BTBD8: variants seen among roughly 807,000 people sequenced by gnomAD.
BTBD8 encodes the protein BTB/POZ domain-containing protein 8.
Under a neutral mutation model 162.9 loss-of-function variants are expected in BTBD8, and 110 were observed. That is an observed-to-expected ratio of 0.68 (90% CI 0.58 to 0.79). The LOEUF is 0.79. Ranked by LOEUF, BTBD8 falls within the 30% of genes least tolerant of loss-of-function variation. The probability of loss-of-function intolerance (pLI) is 0.00; values close to 1 mark genes in which losing one functional copy is unlikely to be tolerated. For synonymous variants in BTBD8, 667 were observed against 716.1 expected, an observed-to-expected ratio of 0.93 and a Z score of 1.10; for missense variants, 1,905 against 2,085.4, an observed-to-expected ratio of 0.91 and a Z score of 1.68.
chr1:92,149,965 T>C (rs1440751314), intron 9 of BTBD8, among the ~76,000 whole-genome samples: 1 of 152,142 alleles, frequency 6.6e-6, no homozygotes, highest in Non-Finnish European at 1.5e-5. Context: ...TTTCCTCTTC[T>C]CATCTGCCTG....
chr1:92,080,831 C>T, intron 1 of BTBD8, 111 bp downstream of exon 1: 2 of 1,487,328 alleles, frequency 1.3e-6, no homozygotes, highest in South Asian at 1.3e-5. Context: ...CTTGGTTCTC[C>T]TCGCCTCAGG....
rs1210299299 is a variant in BTBD8 at position 92,167,851 on chromosome 1, C to T, written c.1309C>T (p.Gln437Ter). The T allele has an allele frequency of 6.5e-7, 1 of 1,547,646 alleles. No homozygotes were observed. The highest frequency in any genetic ancestry group is 8.7e-7 in the Non-Finnish European group (1 of 1,144,598). The part of the protein sequence containing the change: ...SENFALLLQS[Q>*]AMSSTADLLD... ...TATTAATTTCTGTGTTTTATAGTCA[C>T]AAGCAATGAGCAGCACAGCCGATCT... Residue 437 changes from glutamine to a stop codon, truncating the protein, a stop_gained, in exon 11 of 18, where the codon CAA becomes TAA. Coordinates refer to ENST00000636805, the MANE Select transcript of BTBD8 (RefSeq NM_001376131.1). LOFTEE classifies it high-confidence loss of function.
intron 14 of BTBD8, 112 bp downstream of exon 14, chr1:92,177,658 T>A: frequency 1.2e-6 from 1 of 832,014 alleles, no homozygotes; most frequent in East Asian, 2.7e-5. Flanking sequence ...GCCAACAGAA[T>A]ACTTATGTAT....
chr1:92,091,751 T>C (rs967033055), intron 2 of BTBD8, among the ~76,000 whole-genome samples: 13 of 152,184 alleles, frequency 8.5e-5, no homozygotes, highest in African/African-American at 2.9e-4. Flanking sequence ...TATGTTTTTT[T>C]CTAAGAATTT....
chr1:92,182,875 G>T (rs932768817), intron 17 of BTBD8, among the ~76,000 whole-genome samples: 1 of 151,876 alleles, frequency 6.6e-6, no homozygotes, highest in Non-Finnish European at 1.5e-5. Flanking sequence ...GAAAAACTTA[G>T]TTTGCTGCTA....
intron 4 of BTBD8, among the ~76,000 whole-genome samples, chr1:92,119,893 C>CTTTTTTTTT (rs58297367): frequency 3.4e-5 from 2 of 58,386 alleles, no homozygotes; most frequent in African/African-American, 6.3e-5. Context: ...CGGCCCTTTT[C>CTTTTTTTTT]TTTTTTTTTT....
chr1:92,147,543 A>G, intron 8 of BTBD8, 141 bp from the exon 9 acceptor site: 1 of 648,994 alleles, frequency 1.5e-6, no homozygotes, highest in South Asian at 2.1e-5. Context: ...GAGAATATAA[A>G]GTCCATTTTA....
intron 9 of BTBD8, among the ~76,000 whole-genome samples, chr1:92,155,974 G>A (rs1487433675): frequency 6.6e-6 from 1 of 152,122 alleles, no homozygotes; most frequent in Non-Finnish European, 1.5e-5. Flanking sequence ...TATGTTGAAT[G>A]GAAGTGGAGA....
At chr1:92,145,297 T>G (rs972204051) in intron 7 of BTBD8, among the ~76,000 whole-genome samples, 5 of 152,066 alleles carry the variant, frequency 3.3e-5, no homozygotes, top group African/African-American at 1.2e-4. Flanking sequence ...AATATAACAC[T>G]TTTAGGAGAG....
chr1:92,113,740 C>T (rs891311902), intron 4 of BTBD8, among the ~76,000 whole-genome samples: 3 of 150,806 alleles, frequency 2.0e-5, no homozygotes, highest in Non-Finnish European at 2.9e-5. Flanking sequence ...AGGCCCGGTG[C>T]GGTGGCTCAC....
intron 9 of BTBD8, among the ~76,000 whole-genome samples, chr1:92,161,651 A>G (rs2100659269): frequency 6.6e-6 from 1 of 152,362 alleles, no homozygotes; most frequent in East Asian, 1.9e-4. Flanking sequence ...AGTGGACGTG[A>G]GAACTACCAT....
intron 2 of BTBD8, among the ~76,000 whole-genome samples, chr1:92,095,846 C>T (rs959999411): frequency 6.6e-6 from 1 of 152,156 alleles, no homozygotes; most frequent in African/African-American, 2.4e-5. Flanking sequence ...TAACTACAGC[C>T]CCCCGTCATC....
At chr1:92,082,389 A>G (rs1648042146) in intron 1 of BTBD8, among the ~76,000 whole-genome samples, 1 of 152,210 alleles carries the variant, frequency 6.6e-6, no homozygotes, top group South Asian at 2.1e-4. Context: ...ATAAACGTTA[A>G]TAAAACATTG....
At chr1:92,101,519 A>G (rs983842797) in intron 2 of BTBD8, among the ~76,000 whole-genome samples, 4 of 152,078 alleles carry the variant, frequency 2.6e-5, no homozygotes, top group African/African-American at 9.7e-5. Flanking sequence ...GGGAACCTCC[A>G]CCTGCCACAC....
intron 4 of BTBD8, among the ~76,000 whole-genome samples, chr1:92,113,929 T>C (rs1648969011): frequency 6.6e-6 from 1 of 150,692 alleles, no homozygotes; most frequent in Non-Finnish European, 1.5e-5. Context: ...GGAGAATCGC[T>C]TGAATCCAGG....
At position 92,182,365 on chromosome 1, in the gene BTBD8, A is replaced by G. The variant is rs1488796230; in HGVS notation, c.4682A>G (p.Asn1561Ser). 4 of 1,550,354 alleles carry G rather than the reference A, an allele frequency of 2.6e-6. No individual in the cohort carries two copies. The highest frequency in any genetic ancestry group is 2.4e-5 in the East Asian group (1 of 40,902). The stretch of plus-strand genomic sequence containing the variant: ...GATAAAAAAGTAAACAATGGAAGCA[A>G]TGTGGAAAATGACATTCAGCAACGC... ...REDKKVNNGS[N>S]VENDIQQRSK... The change falls in exon 17 of 18, where the codon AAT becomes AGT. Residue 1561 changes from asparagine to serine, a missense_variant. By Grantham distance (46) the Asn-to-Ser change is conservative. Transcript: ENST00000636805.
At chr1:92,135,199 T>C (rs1649605352) in intron 5 of BTBD8, among the ~76,000 whole-genome samples, 1 of 152,096 alleles carries the variant, frequency 6.6e-6, no homozygotes, top group Non-Finnish European at 1.5e-5. Context: ...ATTTTATTTA[T>C]TTTTTTGAGA....
intron 1 of BTBD8, 109 bp from the exon 2 acceptor site, chr1:92,088,589 T>G: frequency 3.6e-6 from 3 of 823,690 alleles, no homozygotes; most frequent in Non-Finnish European, 5.2e-6. Context: ...AACTTTATGT[T>G]GCCTCTGTAT....
At position 92,107,962 on chromosome 1, in the gene BTBD8, T is replaced by C. The variant is rs753875792; in HGVS notation, c.623T>C (p.Ile208Thr). ...KLYVKPCCPD[I>T]DIFVDGKRFK... ...TATGTGAAACCTTGTTGCCCAGATA[T>C]TGATATTTTTGTTGATGGAAAACGT... The change falls in exon 4 of 18, where the codon ATT (isoleucine) becomes ACT (threonine). Residue 208 changes from isoleucine (I) to threonine (T), a missense_variant. Ile to Thr is a moderately conservative substitution (Grantham distance 89). This residue lies in a region of BTBD8 where 1,374 missense variants were observed against 1,442.7 expected (regional missense o/e 0.95). Transcript: ENST00000636805. The C allele has an allele frequency of 1.1e-5, 18 of 1,613,976 alleles. No individual in the cohort carries two copies. In the African/African-American group the frequency reaches 1.6e-4, roughly 14 times the overall value.
Sources: gnomAD v4.1 joint callset for allele counts (sites outside exome capture counted in the v4.1 genomes callset) on GRCh38, gnomAD v4.1.1 for gene constraint, gnomAD v4.1.1 regional missense constraint, MANE v1.5 for transcripts, NCBI Gene and HGNC (gene_info 2026-07-23, HGNC 2026-07-21) for gene names.